The following VPS13B variants were observed in gnomAD, a reference collection of about 807,000 sequenced individuals.
VPS13B encodes the protein intermembrane lipid transfer protein VPS13B.
In VPS13B, 285 loss-of-function variants were observed where a neutral mutation model predicts 426.4. The observed-to-expected ratio is 0.67, with a 90% confidence interval of 0.61 to 0.74. The LOEUF is 0.74. Among genes scored for constraint, VPS13B ranks in the 30% least tolerant of loss-of-function variants. The pLI is 0.00. For missense variants in VPS13B, 4,537 were observed against 4,782.6 expected (o/e 0.95, Z 1.51); for synonymous variants, 1,676 against 1,676.4 (o/e 1.00, Z 0.01).
At chr8:99,832,269 A>G (rs989805133) in intron 51 of VPS13B, 100 bp from the exon 52 acceptor site, 1 of 1,415,512 alleles carries the variant, frequency 7.1e-7, no homozygotes, top group African/African-American at 1.5e-5. Context: ...CAAAAAAAAA[A>G]AAGAAAAGAA....
At chr8:99,630,312 C>CT (rs1287788204) in intron 33 of VPS13B, among the ~76,000 whole-genome samples, 1 of 152,126 alleles carries the variant, frequency 6.6e-6, no homozygotes, top group Non-Finnish European at 1.5e-5. Context: ...CATACACTTA[C>CT]TTTTTCCTTA....
At chr8:99,826,775 A>T (rs980564627) in intron 51 of VPS13B, among the ~76,000 whole-genome samples, 2 of 152,150 alleles carry the variant, frequency 1.3e-5, no homozygotes, top group Admixed American at 6.5e-5. Context: ...TGTTTTTAGC[A>T]TGAAGGGGTG....
At chr8:99,060,465 C>T (rs1364017038) in intron 3 of VPS13B, among the ~76,000 whole-genome samples, 10 of 151,784 alleles carry the variant, frequency 6.6e-5, no homozygotes, top group East Asian at 1.9e-4. Flanking sequence ...AAAAATTAGC[C>T]GGGTGTGGTG....
rs188440756 is a variant in VPS13B at position 99,141,810 on chromosome 8, C to T, written c.1652-1164C>T. ...CTGTAATCTCAGCACTTTGGGAGGC[C>T]GAGGTGGGCGGATCATGAGGGCAGG... is the stretch of plus-strand genomic sequence containing the variant. On this transcript the variant is annotated intron_variant, in intron 12 of 61. Transcript: ENST00000357162. Among the ~76,000 whole-genome samples, 463 of 149,904 alleles carry T rather than the reference C, an allele frequency of 3.1e-3. 2 individuals carry two copies. The highest frequency in any genetic ancestry group is 1.0e-2 in the African/African-American group (406 of 40,684).
intron 3 of VPS13B, among the ~76,000 whole-genome samples, chr8:99,085,460 G>T (rs1354143716): frequency 6.6e-6 from 1 of 152,110 alleles, no homozygotes; most frequent in East Asian, 1.9e-4. Context: ...TTACATTTAA[G>T]GTTAATATTG....
chr8:99,339,191 T>C (rs1811095689), intron 19 of VPS13B, among the ~76,000 whole-genome samples: 1 of 152,198 alleles, frequency 6.6e-6, no homozygotes, highest in Non-Finnish European at 1.5e-5. Context: ...TTATTTAATA[T>C]TAAGTTTGGA....
At chr8:99,840,912 T>A (rs535764138) in intron 54 of VPS13B, among the ~76,000 whole-genome samples, 1 of 152,356 alleles carries the variant, frequency 6.6e-6, no homozygotes, top group African/African-American at 2.4e-5. Flanking sequence ...TTTTGACTTC[T>A]TGCTTACTTC....
At chr8:99,083,106 C>G (rs1185352624) in intron 3 of VPS13B, among the ~76,000 whole-genome samples, 1 of 152,124 alleles carries the variant, frequency 6.6e-6, no homozygotes, top group Non-Finnish European at 1.5e-5. Flanking sequence ...ATGGAATGTT[C>G]TTCCATTTGT....
At chr8:99,153,233 G>T (rs905649791) in intron 14 of VPS13B, among the ~76,000 whole-genome samples, 62 of 151,996 alleles carry the variant, frequency 4.1e-4, no homozygotes, top group African/African-American at 1.5e-3. Flanking sequence ...TATATAGTTG[G>T]GTCTTGTATC....
chr8:99,274,206 T>C lies in VPS13B; in HGVS notation c.2524T>C (p.Ser842Pro). Residue 842 changes from serine to proline, a missense_variant, in exon 18 of 62, where the codon TCT becomes CCT. By Grantham distance (74) the Ser-to-Pro change is moderately conservative (BLOSUM62 -1). Coordinates refer to ENST00000357162, the MANE Select transcript of VPS13B (RefSeq NM_152564.5). ...NEIFLSIGVK[S>P]KNPLPTLEGS... ...CAGTTTTCTTTTATTAGGTGTGAAA[T>C]CTAAGAATCCCCTGCCAACTCTTGA... 6.2e-7 allele frequency: 1 copy of C among 1,614,096 alleles called. No homozygotes were observed. Among genetic ancestry groups the C allele is most frequent in the Non-Finnish European group, 8.5e-7 (1 of 1,180,002 alleles).
At chr8:99,289,488 C>T (rs1819616403) in intron 19 of VPS13B, among the ~76,000 whole-genome samples, 1 of 151,990 alleles carries the variant, frequency 6.6e-6, no homozygotes. Context: ...TTACTTTGGG[C>T]TCAAGTTGAG....
chr8:99,053,511 T>A, intron 3 of VPS13B, among the ~76,000 whole-genome samples: 1 of 152,080 alleles, frequency 6.6e-6, no homozygotes, highest in African/African-American at 2.4e-5. Context: ...TATGCAGCCA[T>A]CATTCTATTA....
chr8:99,262,618 T>C (rs1321978938), intron 17 of VPS13B, among the ~76,000 whole-genome samples: 1 of 152,204 alleles, frequency 6.6e-6, no homozygotes, highest in Non-Finnish European at 1.5e-5. Flanking sequence ...TATGAAAGAT[T>C]TGGAAGCTCT....
At chr8:99,099,846 G>A (rs559990998) in intron 4 of VPS13B, among the ~76,000 whole-genome samples, 1 of 152,148 alleles carries the variant, frequency 6.6e-6, no homozygotes, top group Non-Finnish European at 1.5e-5. Flanking sequence ...GTTATATGAG[G>A]TATGGGGAGA....
At chr8:99,846,325 A>G (rs116032710) in intron 54 of VPS13B, among the ~76,000 whole-genome samples, 3,335 of 152,300 alleles carry the variant, frequency 0.022, 125 homozygotes, top group African/African-American at 0.077. Context: ...TTTTTCGCCA[A>G]CTAGGCTGTG....
intron 17 of VPS13B, among the ~76,000 whole-genome samples, chr8:99,207,791 A>G (rs1317476597): frequency 2.0e-5 from 3 of 152,086 alleles, no homozygotes; most frequent in African/African-American, 4.8e-5. Flanking sequence ...TATGTCTTCT[A>G]TTTGTTCACA....
chr8:99,544,603 A>T (rs1588481115), intron 30 of VPS13B, among the ~76,000 whole-genome samples: 1 of 152,190 alleles, frequency 6.6e-6, no homozygotes, highest in East Asian at 1.9e-4. Context: ...TTGTGGAAAG[A>T]ATTCTACCTA....
chr8:99,839,183 A>T (rs1815546625), intron 54 of VPS13B, among the ~76,000 whole-genome samples: 1 of 152,226 alleles, frequency 6.6e-6, no homozygotes, highest in African/African-American at 2.4e-5. Flanking sequence ...GAAAAGATCC[A>T]GTAAATTCTC....
At chr8:99,053,651 T>C (rs1259126377) in intron 3 of VPS13B, among the ~76,000 whole-genome samples, 1 of 151,810 alleles carries the variant, frequency 6.6e-6, no homozygotes, top group Non-Finnish European at 1.5e-5. Flanking sequence ...TGTTGTGGCA[T>C]ATGACAAGGT....
Sources: gnomAD v4.1 joint callset for allele counts (sites outside exome capture counted in the v4.1 genomes callset) on GRCh38, gnomAD v4.1.1 for gene constraint, MANE v1.5 for transcripts, NCBI Gene and HGNC (gene_info 2026-07-23, HGNC 2026-07-21) for gene names.